The following ASAP2 variants were observed in gnomAD, a reference collection of about 807,000 sequenced individuals.
ASAP2 encodes the protein arf-GAP with SH3 domain, ANK repeat and PH domain-containing protein 2.
Under a neutral mutation model 131.4 loss-of-function variants are expected in ASAP2, and 45 were observed. That is an observed-to-expected ratio of 0.34 (90% CI 0.27 to 0.44). ASAP2 has a LOEUF of 0.44. Ranked by LOEUF, ASAP2 falls within the 20% of genes least tolerant of loss-of-function variation. The pLI, the probability that ASAP2 is intolerant of heterozygous loss-of-function variation, is 1.00. For missense variants in ASAP2, 1,011 were observed against 1,297.0 expected (o/e 0.78, Z 3.39); for synonymous variants, 510 against 503.0 (o/e 1.01, Z -0.19).
At chr2:9,355,035 A>G (rs1672605812) in intron 12 of ASAP2, among the ~76,000 whole-genome samples, 1 of 152,208 alleles carries the variant, frequency 6.6e-6, no homozygotes, top group South Asian at 2.1e-4. Flanking sequence ...ATATCCATAT[A>G]TCCCTCCCCT....
At chr2:9,332,870 A>G (rs1670937293) in intron 7 of ASAP2, among the ~76,000 whole-genome samples, 1 of 152,248 alleles carries the variant, frequency 6.6e-6, no homozygotes, top group South Asian at 2.1e-4. Context: ...TATTCAGAAA[A>G]AAACGTATTA....
chr2:9,265,638 A>G lies in ASAP2; in HGVS notation c.127-13679A>G, dbSNP rs188768805. 3.9e-5 allele frequency among the ~76,000 whole-genome samples: 6 copies of G among 152,368 alleles called. No homozygotes were observed. In the East Asian group the frequency reaches 1.2e-3, roughly 29 times the overall value. ...TTATTTTCTTTCTGTATCTTTATAT[A>G]CAGAGTTTTAAGTGTTTGATATATC... On this transcript the variant is annotated intron_variant, in intron 1 of 27. Coordinates refer to ENST00000281419, the MANE Select transcript of ASAP2 (RefSeq NM_003887.3).
intron 1 of ASAP2, among the ~76,000 whole-genome samples, chr2:9,249,952 T>C (rs1360685114): frequency 6.6e-6 from 1 of 152,230 alleles, no homozygotes. Flanking sequence ...ATCAAAAGGC[T>C]ACATGCCATG....
At chr2:9,220,317 G>A (rs1662326157) in intron 1 of ASAP2, among the ~76,000 whole-genome samples, 1 of 152,170 alleles carries the variant, frequency 6.6e-6, no homozygotes. Flanking sequence ...TTGCCAAAGA[G>A]GCTGCACCAC....
At chr2:9,229,759 G>T (rs1028724550) in intron 1 of ASAP2, among the ~76,000 whole-genome samples, 1 of 152,186 alleles carries the variant, frequency 6.6e-6, no homozygotes, top group Non-Finnish European at 1.5e-5. Flanking sequence ...TCTGCAGGGG[G>T]ACAAAGTGCC....
At chr2:9,319,165 G>A (rs1040726870) in intron 4 of ASAP2, among the ~76,000 whole-genome samples, 7 of 152,218 alleles carry the variant, frequency 4.6e-5, no homozygotes, top group South Asian at 4.1e-4. Context: ...GAGCTGTTTC[G>A]GGGGCAGCGG....
At chr2:9,286,984 T>C (rs1667509157) in intron 2 of ASAP2, among the ~76,000 whole-genome samples, 1 of 152,260 alleles carries the variant, frequency 6.6e-6, no homozygotes, top group Admixed American at 6.5e-5. Flanking sequence ...AAAAACTTTA[T>C]GTGAATTCCA....
chr2:9,284,214 T>C (rs1291156686), intron 2 of ASAP2, among the ~76,000 whole-genome samples: 5 of 152,254 alleles, frequency 3.3e-5, no homozygotes, highest in African/African-American at 1.2e-4. Context: ...GAGGAGACGT[T>C]ATTCTGTCTA....
intron 1 of ASAP2, among the ~76,000 whole-genome samples, chr2:9,278,067 A>T (rs1341053722): frequency 2.0e-5 from 3 of 152,168 alleles, no homozygotes. Flanking sequence ...CTAAACTCAC[A>T]TGGGGTAATA....
intron 15 of ASAP2, among the ~76,000 whole-genome samples, chr2:9,366,294 G>A (rs565673395): frequency 1.3e-5 from 2 of 152,066 alleles, no homozygotes; most frequent in Admixed American, 6.5e-5. Flanking sequence ...GCAGCTCTTC[G>A]ATTCCTGGGG....
chr2:9,233,104 C>T (rs1663281598), intron 1 of ASAP2, among the ~76,000 whole-genome samples: 1 of 152,176 alleles, frequency 6.6e-6, no homozygotes, highest in Admixed American at 6.5e-5. Flanking sequence ...TAGAGAGATA[C>T]AGAGATACGG....
chr2:9,243,678 A>G (rs913637731), intron 1 of ASAP2, among the ~76,000 whole-genome samples: 7 of 152,124 alleles, frequency 4.6e-5, no homozygotes, highest in African/African-American at 1.7e-4. Context: ...TATCTTACCT[A>G]GATTAAGTTG....
intron 15 of ASAP2, among the ~76,000 whole-genome samples, chr2:9,366,411 C>T (rs867457896): frequency 2.0e-5 from 3 of 152,154 alleles, no homozygotes; most frequent in Non-Finnish European, 4.4e-5. Flanking sequence ...ATTTTTGTCA[C>T]TCAACTTGGG....
rs961625422 is a variant in ASAP2 at position 9,273,157 on chromosome 2, T to C, written c.127-6160T>C. On this transcript the variant is annotated intron_variant, in intron 1 of 27. Transcript: ENST00000281419. ...CTGGGTAGTATGGACATTTTAACAA[T>C]ATTGATTCTTCCAGTCCACAAATAT... is the stretch of plus-strand genomic sequence containing the variant. Among the ~76,000 whole-genome samples, 41 of 152,360 alleles carry C rather than the reference T, an allele frequency of 2.7e-4. 1 individual carries two copies. Among genetic ancestry groups the C allele is most frequent in the African/African-American group, 8.7e-4 (36 of 41,580 alleles).
chr2:9,324,309 C>A (rs1352907663), intron 6 of ASAP2, among the ~76,000 whole-genome samples: 1 of 152,230 alleles, frequency 6.6e-6, no homozygotes, highest in African/African-American at 2.4e-5. Context: ...AGAGAGGAAT[C>A]AGTCCCAGGA....
chr2:9,372,841 A>T (rs961144209), intron 16 of ASAP2, among the ~76,000 whole-genome samples: 1 of 152,118 alleles, frequency 6.6e-6, no homozygotes, highest in African/African-American at 2.4e-5. Flanking sequence ...GGCCTTTGAG[A>T]CACAGCAGTT....
chr2:9,231,069 C>G (rs1663127689), intron 1 of ASAP2, among the ~76,000 whole-genome samples: 2 of 152,238 alleles, frequency 1.3e-5, no homozygotes, highest in Admixed American at 6.5e-5. Context: ...GTCACTTTCC[C>G]CAGGCCACTT....
chr2:9,309,314 C>T (rs1209436566), intron 3 of ASAP2, among the ~76,000 whole-genome samples: 4 of 152,174 alleles, frequency 2.6e-5, no homozygotes, highest in South Asian at 4.1e-4. Context: ...TACTGGTACA[C>T]GCAACTACAT....
intron 2 of ASAP2, among the ~76,000 whole-genome samples, chr2:9,296,092 G>A (rs1197123654): frequency 6.6e-6 from 1 of 152,160 alleles, no homozygotes; most frequent in Non-Finnish European, 1.5e-5. Flanking sequence ...GCAGCACTAA[G>A]GCTGTCTCTG....
Sources: gnomAD v4.1 joint callset for allele counts (sites outside exome capture counted in the v4.1 genomes callset) on GRCh38, gnomAD v4.1.1 for gene constraint, MANE v1.5 for transcripts, NCBI Gene and HGNC (gene_info 2026-07-23, HGNC 2026-07-21) for gene names.